The following DEPDC4 variants were observed in gnomAD, a reference collection of about 807,000 sequenced individuals.
DEPDC4 encodes the protein DEP domain containing 4.
DEPDC4 carries 52 observed loss-of-function variants against 52.0 expected under a neutral mutation model. The ratio of observed to expected loss-of-function variants is 1.00; its 90% CI spans 0.80 to 1.26. DEPDC4 has a LOEUF of 1.26. DEPDC4 is among the 50% of genes most tolerant of loss of function. The probability of loss-of-function intolerance (pLI) is 0.00; values close to 1 mark genes in which losing one functional copy is unlikely to be tolerated. For synonymous variants in DEPDC4, 201 were observed against 196.8 expected, an observed-to-expected ratio of 1.02 and a Z score of -0.18; for missense variants, 530 against 546.9, an observed-to-expected ratio of 0.97 and a Z score of 0.31.
At chr12:100,259,081 A>AATAT (rs1555312802) in intron 3 of DEPDC4, among the ~76,000 whole-genome samples, 16 of 149,078 alleles carry the variant, frequency 1.1e-4, no homozygotes, top group African/African-American at 3.5e-4. Flanking sequence ...AAAAAAAAAA[A>AATAT]ATATATATAT....
At chr12:100,244,161 T>C (rs912133132) in intron 8 of DEPDC4, among the ~76,000 whole-genome samples, 1 of 140,258 alleles carries the variant, frequency 7.1e-6, no homozygotes, top group South Asian at 2.4e-4. Flanking sequence ...AATACAATTT[T>C]ATTTTATGGT....
At chr12:100,257,982 TAGATA>T (rs2096240999) in intron 3 of DEPDC4, among the ~76,000 whole-genome samples, 1 of 21,590 alleles carries the variant, frequency 4.6e-5, no homozygotes, top group African/African-American at 1.6e-4. Context: ...TATTGATAGA[TAGATA>T]GATAGATAGA....
At chr12:100,255,630 A>C (rs779912063) in intron 4 of DEPDC4, among the ~76,000 whole-genome samples, 4 of 152,188 alleles carry the variant, frequency 2.6e-5, no homozygotes, top group African/African-American at 9.6e-5. Flanking sequence ...TCTTATCTAC[A>C]AATTAGGCCG....
chr12:100,232,294 G>A (rs537460460), intron 9 of DEPDC4, among the ~76,000 whole-genome samples: 1 of 151,946 alleles, frequency 6.6e-6, no homozygotes, highest in African/African-American at 2.4e-5. Context: ...TACTAGGGAG[G>A]CTGAGACTAG....
In DEPDC4 at chr12:100,267,059, C is replaced by G. The variant is rs759572917; in HGVS notation, c.18G>C (p.Glu6Asp). ...GAACCGCCATAAGCTCGCGCGCTGG[C>G]TCCTCCCCTGGCACCATAGCCCCGC... MVPGE[E>D]PARELMAVLL... Residue 6 changes from glutamate (E) to aspartate (D), a missense_variant, in exon 1 of 10, where the codon GAG becomes GAC. Physicochemically the swap from Glu to Asp is conservative, Grantham distance 45. Coordinates refer to ENST00000550587, the MANE Select transcript of DEPDC4 (RefSeq NM_001364818.2). 6.2e-7 allele frequency: 1 copy of G among 1,613,610 alleles called. No homozygotes were observed. The highest frequency in any genetic ancestry group is 8.5e-7 in the Non-Finnish European group (1 of 1,179,770).
downstream of DEPDC4, among the ~76,000 whole-genome samples, chr12:100,239,450 A>G (rs1373797967): frequency 6.6e-6 from 1 of 151,678 alleles, no homozygotes; most frequent in Non-Finnish European, 1.5e-5. Flanking sequence ...CTCATGGCTC[A>G]TTGAAACCTT....
intron 3 of DEPDC4, among the ~76,000 whole-genome samples, chr12:100,259,456 T>C (rs189838113): frequency 6.6e-6 from 1 of 152,298 alleles, no homozygotes; most frequent in East Asian, 1.9e-4. Context: ...AACAAAAATG[T>C]ATTTGGTCTA....
At chr12:100,277,310 AT>A in the DEPDC4 span, among the ~76,000 whole-genome samples, 2 of 152,074 alleles carry the variant, frequency 1.3e-5, no homozygotes, top group Non-Finnish European at 2.9e-5. Context: ...GTCCTTACTG[AT>A]TTTTCTCTCT....
upstream of DEPDC4, among the ~76,000 whole-genome samples, chr12:100,268,123 C>G (rs530136186): frequency 6.6e-6 from 1 of 152,332 alleles, no homozygotes; most frequent in South Asian, 2.1e-4. Context: ...CTCGAGGAGG[C>G]TCCAGACAAG....
intron 8 of DEPDC4, among the ~76,000 whole-genome samples, chr12:100,244,095 G>A (rs12818374): frequency 0.37 from 18,637 of 50,256 alleles, 3,865 homozygotes; most frequent in South Asian, 0.7. Context: ...CTCTCTCTGT[G>A]TATATATATA....
In DEPDC4 at chr12:100,259,340, T is replaced by TA. The variant is rs950933802; in HGVS notation, c.700+2923dup. Among the ~76,000 whole-genome samples the TA allele has an allele frequency of 1.7e-4, 26 of 152,192 alleles. No individual in the cohort carries two copies. The South Asian group carries it at 2.9e-3, about 17-fold the overall frequency. On this transcript the variant is annotated intron_variant, in intron 3 of 9. Transcript: ENST00000550587. ...GATTTCCCCAAGAAGATGAAATTGA[T>TA]AAAAATACCTGATACACCTGAGCAT... is the stretch of plus-strand genomic sequence containing the variant.
intron 7 of DEPDC4, among the ~76,000 whole-genome samples, chr12:100,250,302 G>A (rs1249706775): frequency 6.6e-6 from 1 of 152,110 alleles, no homozygotes; most frequent in Non-Finnish European, 1.5e-5. Context: ...TGCAGCCTCC[G>A]CCTCCCGGGT....
upstream of DEPDC4, chr12:100,267,307 A>C (rs2096278758): frequency 2.0e-6 from 1 of 490,516 alleles, no homozygotes; most frequent in Admixed American, 3.8e-5. Context: ...GTGGCCAGGC[A>C]CGAAGGCAGA....
chr12:100,242,080 C>T (rs1282778167), intron 9 of DEPDC4, among the ~76,000 whole-genome samples: 1 of 152,026 alleles, frequency 6.6e-6, no homozygotes, highest in Non-Finnish European at 1.5e-5. Flanking sequence ...AACTAGTATC[C>T]CAGTTTCAAG....
chr12:100,270,651 T>C (rs2096286635), upstream of DEPDC4, among the ~76,000 whole-genome samples: 1 of 151,536 alleles, frequency 6.6e-6, no homozygotes, highest in Non-Finnish European at 1.5e-5. Context: ...AATATTTTTA[T>C]TTACATAGAG....
chr12:100,262,236 T>C, intron 3 of DEPDC4, 28 bp downstream of exon 3: 6 of 1,594,838 alleles, frequency 3.8e-6, no homozygotes, highest in Non-Finnish European at 5.1e-6. Flanking sequence ...CCTTACCATG[T>C]TCTGAAAAAA....
Position 100,253,775 on chromosome 12 carries a change from A to G in DEPDC4, c.879-60T>C, listed in dbSNP as rs959442415. ...GTTAACATTTCCATTTAACTAAAGC[A>G]CTATTTGATAAAACATGAAAAAATC... On this transcript the variant is annotated intron_variant, in intron 4 of 9. Coordinates refer to ENST00000550587, the MANE Select transcript of DEPDC4 (RefSeq NM_001364818.2). 9.8e-6 allele frequency: 9 copies of G among 915,908 alleles called. No individual in the cohort carries two copies. The African/African-American group carries it at 1.6e-4, about 16-fold the overall frequency. The allele number at this position is 915,908 out of a possible 1,614,324, so 56.7% of individuals were successfully genotyped here.
chr12:100,253,509 G>T lies in DEPDC4; in HGVS notation c.1085C>A (p.Ser362Ter). The change falls in exon 5 of 10, where the codon TCA (serine) becomes TAA (stop). Residue 362 changes from serine to a stop codon, truncating the protein, a stop_gained. Transcript: ENST00000550587. LOFTEE classifies it high-confidence loss of function. ...LLTDEYFDIH[S>*]GIIELLENEK... ...CTTACCTAAAAGTTCAATAATTCCT[G>T]AATGAATATCAAAATACTCATCAGT... 7.9e-7 allele frequency: 1 copy of T among 1,272,908 alleles called. No homozygotes were observed. The highest frequency in any genetic ancestry group is 1.0e-6 in the Non-Finnish European group (1 of 976,276). 78.9% of individuals were successfully genotyped at this position (1,272,908 alleles called of 1,614,324 possible). A position where few individuals can be genotyped will look rare whatever the true frequency, so the allele number is the denominator to read the frequency against.
chr12:100,238,131 A>G, downstream of DEPDC4: 1 of 877,730 alleles, frequency 1.1e-6, no homozygotes, highest in South Asian at 5.2e-5. Flanking sequence ...AAAAAAAAAA[A>G]ATATGCAGAT....
Sources: allele counts gnomAD v4.1 joint callset (sites outside exome capture counted in the v4.1 genomes callset), GRCh38; gene constraint gnomAD v4.1.1; transcripts MANE v1.5; gene names NCBI Gene and HGNC (gene_info 2026-07-23, HGNC 2026-07-21).